The following NCBP1 variants were observed in gnomAD, a reference collection of about 807,000 sequenced individuals.
The protein encoded by NCBP1 is nuclear cap binding protein subunit 1.
Under a neutral mutation model 111.7 loss-of-function variants are expected in NCBP1, and 16 were observed. The observed-to-expected ratio is 0.14, with a 90% confidence interval of 0.10 to 0.22. NCBP1 has a LOEUF of 0.22. NCBP1 is among the 10% of genes least tolerant of loss of function. NCBP1 has a pLI of 1.00. For missense variants in NCBP1, 607 were observed against 957.5 expected (o/e 0.63, Z 4.83); for synonymous variants, 304 against 314.3 (o/e 0.97, Z 0.35).
At chr9:97,634,299 G>C (rs1430711408) in intron 1 of NCBP1, among the ~76,000 whole-genome samples, 1 of 152,236 alleles carries the variant, frequency 6.6e-6, no homozygotes, top group Non-Finnish European at 1.5e-5. Context: ...AGCTGCACCT[G>C]AAAAGGGCTC....
At chr9:97,663,084 TTGTA>T (rs1437602363) in intron 18 of NCBP1, 37 bp downstream of exon 18, 11 of 1,469,780 alleles carry the variant, frequency 7.5e-6, no homozygotes, top group Non-Finnish European at 5.7e-6. Flanking sequence ...GAAGCTCTGA[TTGTA>T]TGGGTATAAA....
chr9:97,668,760 A>C, intron 20 of NCBP1, 86 bp from the exon 21 acceptor site: 1 of 1,444,560 alleles, frequency 6.9e-7, no homozygotes, highest in Non-Finnish European at 9.3e-7. Flanking sequence ...ACATTTGGCC[A>C]GACACAGTAA....
At chr9:97,647,660 CTG>C in intron 7 of NCBP1, 99 bp downstream of exon 7, 1 of 1,036,652 alleles carries the variant, frequency 9.6e-7, no homozygotes, top group Non-Finnish European at 1.5e-6. Flanking sequence ...TACCCTTTGA[CTG>C]TGTTTCTACA....
chr9:97,658,545 A>G (rs1460591114), intron 14 of NCBP1, 95 bp from the exon 15 acceptor site: 3 of 926,940 alleles, frequency 3.2e-6, no homozygotes, highest in Admixed American at 3.8e-5. Flanking sequence ...GCTGAGTTCA[A>G]GTTGTTGGAG....
At chr9:97,670,271 G>C (rs767354323) in intron 22 of NCBP1, among the ~76,000 whole-genome samples, 6 of 152,066 alleles carry the variant, frequency 3.9e-5, no homozygotes, top group Non-Finnish European at 8.8e-5. Flanking sequence ...AAAATGTAGA[G>C]GACAAAAATA....
intron 6 of NCBP1, among the ~76,000 whole-genome samples, chr9:97,646,984 A>C (rs551069317): frequency 2.4e-4 from 36 of 151,754 alleles, no homozygotes; most frequent in African/African-American, 6.5e-4. Flanking sequence ...TTGTTGCATA[A>C]AAATACTTAA....
intron 3 of NCBP1, 89 bp from the exon 4 acceptor site, chr9:97,643,113 GTT>G: frequency 7.6e-7 from 1 of 1,318,492 alleles, no homozygotes; most frequent in South Asian, 1.5e-5. Context: ...CTGTTCCAAA[GTT>G]AATGGAATGA....
chr9:97,634,888 T>C (rs541433933), intron 1 of NCBP1, among the ~76,000 whole-genome samples: 2 of 152,236 alleles, frequency 1.3e-5, no homozygotes, highest in Non-Finnish European at 1.5e-5. Flanking sequence ...CCTTAAACTT[T>C]AGTCTGTAAT....
chr9:97,639,587 A>G (rs1486816410), intron 1 of NCBP1, among the ~76,000 whole-genome samples: 2 of 152,164 alleles, frequency 1.3e-5, no homozygotes, highest in Non-Finnish European at 2.9e-5. Context: ...CATTATTAAT[A>G]CCGATTCCCT....
chr9:97,663,094 A>G, intron 18 of NCBP1, 47 bp downstream of exon 18: 1 of 1,412,626 alleles, frequency 7.1e-7, no homozygotes, highest in Non-Finnish European at 9.9e-7. Context: ...TTGTATGGGT[A>G]TAAAAATAAG....
At chr9:97,660,790 G>T (rs1208664986) in intron 15 of NCBP1, among the ~76,000 whole-genome samples, 156 bp from the exon 16 acceptor site, 2 of 152,038 alleles carry the variant, frequency 1.3e-5, no homozygotes, top group African/African-American at 2.4e-5. Flanking sequence ...TTTCACATAC[G>T]GTATTTATAT....
Position 97,663,029 on chromosome 9 carries a change from C to A in NCBP1, c.1779C>A (p.Val593=), listed in dbSNP as rs1200036055. 1 of 1,611,762 alleles carries A rather than the reference C, an allele frequency of 6.2e-7. No individual in the cohort carries two copies. The highest frequency in any genetic ancestry group is 1.7e-5 in the Admixed American group (1 of 59,564). Reference sequence around the variant, plus strand: ...ATGTGCTAAGAGTTATGTTTGAGGTCTGGAGGAACCATCCACAGGTAAAAA... The same window carrying A: ...ATGTGCTAAGAGTTATGTTTGAGGTATGGAGGAACCATCCACAGGTAAAAA... The part of the protein sequence containing the change: ...KLHVLRVMFE[V]WRNHPQMIAV... The change falls in exon 18 of 23, where the codon GTC becomes GTA. Residue 593 remains valine (V), a synonymous_variant. Transcript: ENST00000375147.
intron 10 of NCBP1, among the ~76,000 whole-genome samples, chr9:97,652,096 G>A (rs547203007): frequency 2.6e-5 from 4 of 152,018 alleles, no homozygotes; most frequent in Admixed American, 6.5e-5. Context: ...CTCCGCCTCC[G>A]GGGTTCAAGC....
chr9:97,663,945 G>A (rs988671889), intron 18 of NCBP1, among the ~76,000 whole-genome samples: 6 of 151,652 alleles, frequency 4.0e-5, no homozygotes, highest in Admixed American at 2.6e-4. Context: ...TTGGGAGGCC[G>A]AGATGGATGG....
At chr9:97,652,768 C>G (rs1356114147) in intron 10 of NCBP1, among the ~76,000 whole-genome samples, 1 of 152,214 alleles carries the variant, frequency 6.6e-6, no homozygotes, top group East Asian at 1.9e-4. Flanking sequence ...AAAAAAAGTA[C>G]TGTGTATTTC....
intron 21 of NCBP1, 90 bp from the exon 22 acceptor site, chr9:97,669,503 G>T: frequency 1.2e-6 from 1 of 807,496 alleles, no homozygotes. Flanking sequence ...GGTGGAACAG[G>T]CAATACTTTG....
chr9:97,640,085 G>A (rs1450410585), intron 1 of NCBP1, among the ~76,000 whole-genome samples: 1 of 152,060 alleles, frequency 6.6e-6, no homozygotes, highest in Non-Finnish European at 1.5e-5. Context: ...ACTTTTCTTT[G>A]AATATACGTA....
chr9:97,646,252 T>C (rs552802466), intron 6 of NCBP1, among the ~76,000 whole-genome samples: 1 of 152,338 alleles, frequency 6.6e-6, no homozygotes, highest in South Asian at 2.1e-4. Flanking sequence ...ACTTCTTAAG[T>C]AATATGACAC....
At position 97,673,161 on chromosome 9, in the gene NCBP1, C is replaced by T. The variant is rs1011698394; in HGVS notation, c.*1962C>T. 6.6e-6 allele frequency: 1 copy of T among 152,068 alleles called. No homozygotes were observed. 9.4% of individuals were successfully genotyped at this position (152,068 alleles called of 1,614,324 possible). ...AAAAAAATATATAGCATATAACATACAAAATGAGTTTATCAACTGTTTGTT... is the reference window on the plus strand; with the variant it reads ...AAAAAAATATATAGCATATAACATATAAAATGAGTTTATCAACTGTTTGTT... On this transcript the variant is annotated 3_prime_UTR_variant, in exon 23 of 23. Coordinates refer to ENST00000375147, the MANE Select transcript of NCBP1 (RefSeq NM_002486.5).
Sources: gnomAD v4.1 joint callset for allele counts (sites outside exome capture counted in the v4.1 genomes callset) on GRCh38, gnomAD v4.1.1 for gene constraint, MANE v1.5 for transcripts, NCBI Gene and HGNC (gene_info 2026-07-23, HGNC 2026-07-21) for gene names.